FBRSL1: variants seen among roughly 807,000 people sequenced by gnomAD.
The protein encoded by FBRSL1 is fibrosin like 1.
FBRSL1 carries 51 observed loss-of-function variants against 89.6 expected under a neutral mutation model. The observed-to-expected ratio is 0.57, with a 90% CI of 0.45 to 0.72. The LOEUF (loss-of-function observed/expected upper bound fraction) is 0.72. Among genes scored for constraint, FBRSL1 ranks in the 30% least tolerant of loss-of-function variants. The pLI is 0.00. For missense variants in FBRSL1, 1,618 were observed against 1,451.8 expected, an observed-to-expected ratio of 1.11 and a Z score of -1.86; for synonymous variants, 779 against 681.1, an observed-to-expected ratio of 1.14 and a Z score of -2.24.
At chr12:132,576,269 T>A (rs543311481) in intron 14 of FBRSL1, among the ~76,000 whole-genome samples, 54 of 151,836 alleles carry the variant, frequency 3.6e-4, no homozygotes, top group African/African-American at 1.3e-3. Context: ...CTCGGCTCAC[T>A]GTAACCTCCA....
intron 1 of FBRSL1, among the ~76,000 whole-genome samples, chr12:132,491,520 A>T (rs1017189391): frequency 6.6e-6 from 1 of 152,208 alleles, no homozygotes; most frequent in African/African-American, 2.4e-5. Flanking sequence ...ATGGGCAGGA[A>T]TGCTAGCAAG....
intron 4 of FBRSL1, among the ~76,000 whole-genome samples, chr12:132,542,414 C>T (rs2037344103): frequency 2.0e-5 from 3 of 152,234 alleles, no homozygotes; most frequent in African/African-American, 4.8e-5. Context: ...GTTAGAGGTA[C>T]CTCGGGTTGG....
At chr12:132,507,370 C>T (rs1292340229) in intron 1 of FBRSL1, 1 of 985,370 alleles carries the variant, frequency 1.0e-6, no homozygotes, top group Admixed American at 6.1e-5. Context: ...GTGCCAGGAG[C>T]TGAGCCAGCA....
At position 132,543,657 on chromosome 12, in the gene FBRSL1, C is replaced by CTATGTT. The variant is rs1280032779; in HGVS notation, c.616-4345_616-4344insATGTTT. 2.0e-5 allele frequency among the ~76,000 whole-genome samples: 3 copies of CTATGTT among 152,132 alleles called. No individual in the cohort carries two copies. In the South Asian group the frequency reaches 6.2e-4, roughly 32 times the overall value. On this transcript the variant is annotated intron_variant, in intron 4 of 18. Transcript: ENST00000680143. ...CAGCTTGTGGCTCTAAAAGCCATGTCTCAAGGCCGTTGTCCACCCACGGGT... is the reference window on the plus strand; with the variant it reads ...CAGCTTGTGGCTCTAAAAGCCATGTCTATGTTTCAAGGCCGTTGTCCACCCACGGGT...
intron 4 of FBRSL1, among the ~76,000 whole-genome samples, chr12:132,535,244 C>T (rs1262286160): frequency 6.6e-6 from 1 of 152,208 alleles, no homozygotes; most frequent in Non-Finnish European, 1.5e-5. Context: ...ACGGTCGGCT[C>T]CAAGAAAGGT....
chr12:132,575,250 C>T (rs1430965765), intron 14 of FBRSL1, among the ~76,000 whole-genome samples: 4 of 152,116 alleles, frequency 2.6e-5, no homozygotes, highest in South Asian at 4.1e-4. Context: ...TTTTTTGAGA[C>T]GGAGTCTCGC....
At chr12:132,510,632 G>A (rs374123289) in intron 2 of FBRSL1, 44 of 1,230,262 alleles carry the variant, frequency 3.6e-5, no homozygotes, top group East Asian at 1.3e-4. Flanking sequence ...GGCCAGAGGC[G>A]GGAGCCCCTA....
chr12:132,563,701 C>T (rs1042535910), intron 5 of FBRSL1, among the ~76,000 whole-genome samples: 28 of 148,474 alleles, frequency 1.9e-4, no homozygotes, highest in East Asian at 7.8e-4. Flanking sequence ...CACATACCTA[C>T]GACTGTATAC....
intron 2 of FBRSL1, among the ~76,000 whole-genome samples, chr12:132,514,596 G>A (rs1229714535): frequency 6.6e-6 from 1 of 152,162 alleles, no homozygotes; most frequent in Non-Finnish European, 1.5e-5. Context: ...GGGGGACTCC[G>A]AGGAAGAAGG....
chr12:132,500,535 C>T (rs1029848856), intron 1 of FBRSL1, among the ~76,000 whole-genome samples: 4 of 152,140 alleles, frequency 2.6e-5, no homozygotes, highest in Admixed American at 1.3e-4. Flanking sequence ...GACCAGCCTC[C>T]GGGGAGTCCT....
chr12:132,550,513 G>A (rs1307410584), intron 5 of FBRSL1, among the ~76,000 whole-genome samples: 1 of 152,068 alleles, frequency 6.6e-6, no homozygotes. Context: ...GCAGCAGGGT[G>A]GGCCAGGAAA....
chr12:132,514,065 C>T (rs1246545727), intron 2 of FBRSL1, among the ~76,000 whole-genome samples: 1 of 152,224 alleles, frequency 6.6e-6, no homozygotes, highest in Non-Finnish European at 1.5e-5. Flanking sequence ...TGGGCCTTCC[C>T]CGTTTGCTCA....
At position 132,583,040 on chromosome 12, in the gene FBRSL1, C is replaced by T. The variant is rs1438477842; in HGVS notation, c.2271C>T (p.Ser757=). 9.6e-6 allele frequency: 14 copies of T among 1,453,688 alleles called. No homozygotes were observed. Among genetic ancestry groups the T allele is most frequent in the South Asian group, 1.3e-5 (1 of 75,470 alleles). 90.0% of individuals were successfully genotyped at this position (1,453,688 alleles called of 1,614,324 possible). A position where few individuals can be genotyped will look rare whatever the true frequency, so the allele number is the denominator to read the frequency against. Reference sequence around the variant, plus strand: ...CCACCCCCGCTGGCCACCCCGTCAGCGGCCTCCTGCTCCGGGCCCAGAGCG... The same window carrying T: ...CCACCCCCGCTGGCCACCCCGTCAGTGGCCTCCTGCTCCGGGCCCAGAGCG... ...SPATPAGHPV[S]GLLLRAQSEL... Residue 757 remains serine (S), a synonymous_variant, in exon 19 of 19, where the codon AGC becomes AGT. Coordinates refer to ENST00000680143, the MANE Select transcript of FBRSL1 (RefSeq NM_001367871.1).
At chr12:132,492,718 C>T (rs553136303) in intron 1 of FBRSL1, among the ~76,000 whole-genome samples, 2 of 152,352 alleles carry the variant, frequency 1.3e-5, no homozygotes, top group African/African-American at 2.4e-5. Flanking sequence ...CAGCTGGCCC[C>T]TCAGGTCATA....
rs1281699261 is a variant in FBRSL1 at position 132,576,847 on chromosome 12, C to G, written c.1750C>G (p.Leu584Val). The part of the protein sequence containing the change: ...HKLEVGAKLD[L>V]FGRPPAPGVF... Reference sequence around the variant, plus strand: ...GCTGGAGGTGGGTGCAAAGCTGGACCTGTTCGGCAGACCCCCTGCCCCGGG... The same window carrying G: ...GCTGGAGGTGGGTGCAAAGCTGGACGTGTTCGGCAGACCCCCTGCCCCGGG... The change falls in exon 15 of 19, where the codon CTG (leucine) becomes GTG (valine). Residue 584 changes from leucine to valine, a missense_variant. Coordinates refer to ENST00000680143, the MANE Select transcript of FBRSL1 (RefSeq NM_001367871.1). 1 of 1,551,066 alleles carries G rather than the reference C, an allele frequency of 6.4e-7. No individual in the cohort carries two copies. The highest frequency in any genetic ancestry group is 1.2e-5 in the South Asian group (1 of 84,046).
chr12:132,558,089 G>C (rs2038823760), intron 5 of FBRSL1, among the ~76,000 whole-genome samples: 1 of 145,366 alleles, frequency 6.9e-6, no homozygotes, highest in African/African-American at 2.6e-5. Context: ...GGACAGAAAT[G>C]ACCTCGTCAC....
At chr12:132,572,208 C>T in intron 9 of FBRSL1, 80 bp from the exon 10 acceptor site, 1 of 1,352,302 alleles carries the variant, frequency 7.4e-7, no homozygotes, top group South Asian at 1.3e-5. Flanking sequence ...CACTGCCCAG[C>T]CCGGCCAGGT....
chr12:132,556,114 G>A lies in FBRSL1; in HGVS notation c.645+8082G>A, dbSNP rs138219887. ...TCGCTAGGATTTGCATTTCCAGGCC[G>A]GCAGCCTCCAGGGATGCTGAGCAGC... is the stretch of plus-strand genomic sequence containing the variant. On this transcript the variant is annotated intron_variant, in intron 5 of 18. Transcript: ENST00000680143. 8.6e-4 allele frequency among the ~76,000 whole-genome samples: 131 copies of A among 152,286 alleles called. 1 individual carries two copies. Among genetic ancestry groups the A allele is most frequent in the African/African-American group, 3.0e-3 (126 of 41,546 alleles).
intron 5 of FBRSL1, chr12:132,565,503 CCTCATGTACACGTACCCGAGTGTG>C (rs1427205642): frequency 3.0e-4 from 10 of 33,460 alleles, no homozygotes; most frequent in African/African-American, 1.0e-3. Context: ...ACCCAACTGT[CCTCATGTACACGTACCCGAGTGTG>C]CTCATGTACA....
Sources: allele counts gnomAD v4.1 joint callset (sites outside exome capture counted in the v4.1 genomes callset), GRCh38; gene constraint gnomAD v4.1.1; transcripts MANE v1.5; gene names NCBI Gene and HGNC (gene_info 2026-07-23, HGNC 2026-07-21).